PEX5L: variants seen among roughly 807,000 people sequenced by gnomAD.
PEX5L encodes PEX5-related protein.
Under a neutral mutation model 84.0 loss-of-function variants are expected in PEX5L, and 30 were observed. The ratio of observed to expected loss-of-function variants is 0.36; its 90% CI spans 0.27 to 0.48. The LOEUF (loss-of-function observed/expected upper bound fraction) is 0.48. PEX5L is among the 20% of genes least tolerant of loss of function. PEX5L has a pLI of 0.99. For missense variants in PEX5L, 533 were observed against 754.6 expected, an observed-to-expected ratio of 0.71 and a Z score of 3.44; for synonymous variants, 270 against 283.1, an observed-to-expected ratio of 0.95 and a Z score of 0.46.
At chr3:179,997,683 A>G (rs1237291737) in intron 1 of PEX5L, among the ~76,000 whole-genome samples, 1 of 152,226 alleles carries the variant, frequency 6.6e-6, no homozygotes. Flanking sequence ...AGAGAATGAC[A>G]GTGGATTATT....
chr3:179,982,870 A>G (rs1786459406), intron 1 of PEX5L, among the ~76,000 whole-genome samples: 1 of 152,062 alleles, frequency 6.6e-6, no homozygotes, highest in Non-Finnish European at 1.5e-5. Flanking sequence ...GGATGGTACC[A>G]TGTCCTAAAT....
chr3:179,803,223 A>C (rs903924687), intron 14 of PEX5L, among the ~76,000 whole-genome samples: 1 of 152,222 alleles, frequency 6.6e-6, no homozygotes, highest in Non-Finnish European at 1.5e-5. Context: ...AATGTGAAAC[A>C]ATGTCACTTT....
chr3:179,829,943 A>ATTTTTTTTTTT (rs11352022), intron 8 of PEX5L, among the ~76,000 whole-genome samples: 341 of 83,586 alleles, frequency 4.1e-3, no homozygotes, highest in Non-Finnish European at 4.8e-3. Flanking sequence ...GGCCTGGCTA[A>ATTTTTTTTTTT]TTTTTTTTTT....
chr3:179,924,689 C>T (rs1359682560), intron 2 of PEX5L, among the ~76,000 whole-genome samples: 1 of 152,056 alleles, frequency 6.6e-6, no homozygotes. Context: ...CCTGCATTTC[C>T]ATGATCCTAA....
chr3:179,836,523 A>G (rs1734973191), intron 8 of PEX5L, among the ~76,000 whole-genome samples: 2 of 152,158 alleles, frequency 1.3e-5, no homozygotes, highest in South Asian at 4.1e-4. Context: ...AAATCAGGAG[A>G]GAGAGAAGAG....
intron 9 of PEX5L, among the ~76,000 whole-genome samples, chr3:179,817,870 G>A (rs1577227947): frequency 6.6e-6 from 1 of 152,214 alleles, no homozygotes; most frequent in South Asian, 2.1e-4. Flanking sequence ...GGGCTATGGA[G>A]CTCAGGCAGA....
At position 179,840,183 on chromosome 3, in the gene PEX5L, G is replaced by T. The variant is rs61590350; in HGVS notation, c.822+18879C>A. Among the ~76,000 whole-genome samples the T allele has an allele frequency of 4.8e-3, 376 of 78,738 alleles. 7 individuals carry two copies. The highest frequency in any genetic ancestry group is 0.018 in the African/African-American group (347 of 19,238). 51.7% of individuals were successfully genotyped at this position (78,738 alleles called of 152,430 possible). ...TTTTTGTGTGTGTGTGTGTGTGTGT[G>T]TTTTTTTTTTTTTTTTTTTTTTGAG... is the stretch of plus-strand genomic sequence containing the variant. On this transcript the variant is annotated intron_variant, in intron 8 of 14. Coordinates refer to ENST00000467460, the MANE Select transcript of PEX5L (RefSeq NM_016559.3).
intron 1 of PEX5L, among the ~76,000 whole-genome samples, chr3:179,991,671 T>C (rs1217977586): frequency 1.3e-5 from 2 of 152,202 alleles, no homozygotes; most frequent in African/African-American, 4.8e-5. Flanking sequence ...CAGCTATTCA[T>C]TCACATGCGT....
chr3:179,921,494 A>G (rs1397929827), intron 2 of PEX5L: 2 of 152,200 alleles, frequency 1.3e-5, no homozygotes, highest in Non-Finnish European at 2.9e-5. Context: ...ATTTGCTTGG[A>G]GTTCATCTGA....
At chr3:179,829,808 C>T (rs977151241) in intron 8 of PEX5L, among the ~76,000 whole-genome samples, 5 of 138,332 alleles carry the variant, frequency 3.6e-5, no homozygotes, top group African/African-American at 1.4e-4. Context: ...CAGAGTTTTG[C>T]TCTCGTTGCC....
intron 3 of PEX5L, among the ~76,000 whole-genome samples, chr3:179,893,372 CTAA>C (rs1321540684): frequency 6.6e-6 from 1 of 152,104 alleles, no homozygotes; most frequent in Non-Finnish European, 1.5e-5. Context: ...CTATAAGAAA[CTAA>C]TAAGATGAAA....
At chr3:180,004,345 T>C (rs953185024) in intron 1 of PEX5L, among the ~76,000 whole-genome samples, 61 of 152,190 alleles carry the variant, frequency 4.0e-4, no homozygotes, top group African/African-American at 1.4e-3. Context: ...TAGTGAAGAA[T>C]ATTTATTTTA....
chr3:179,816,002 T>G lies in PEX5L; in HGVS notation c.942A>C (p.Gly314=). The change falls in exon 10 of 15, where the codon GGA becomes GGC. Residue 314 remains glycine (G), a splice_region_variant and synonymous_variant. Transcript: ENST00000467460. ...NQVTISASEK[G]YYFHTENPFK... is the part of the protein sequence containing the mutation. ...AGGGGTTTTCAGTGTGAAAGTAATA[T>G]CCCTGCAACACAGAAAAAGGCCAGT... 1 of 1,614,066 alleles carries G rather than the reference T, an allele frequency of 6.2e-7. No individual in the cohort carries two copies. The highest frequency in any genetic ancestry group is 1.1e-5 in the South Asian group (1 of 91,066).
At chr3:179,854,205 C>T (rs1743033137) in intron 8 of PEX5L, among the ~76,000 whole-genome samples, 1 of 151,576 alleles carries the variant, frequency 6.6e-6, no homozygotes, top group African/African-American at 2.4e-5. Context: ...CCATATAAGG[C>T]TTAGCTAGAG....
intron 1 of PEX5L, chr3:179,973,893 C>G: frequency 1.0e-6 from 1 of 985,430 alleles, no homozygotes; most frequent in African/African-American, 1.7e-5. Context: ...AAACAGCACA[C>G]AACAGTACAC....
At chr3:179,861,598 G>T (rs1207986830) in intron 7 of PEX5L, among the ~76,000 whole-genome samples, 2 of 152,322 alleles carry the variant, frequency 1.3e-5, no homozygotes, top group East Asian at 1.9e-4. Context: ...AGGCTCATGG[G>T]CCACCATGAA....
At chr3:179,983,158 T>C (rs1265472133) in intron 1 of PEX5L, among the ~76,000 whole-genome samples, 1 of 152,000 alleles carries the variant, frequency 6.6e-6, no homozygotes, top group African/African-American at 2.4e-5. Context: ...AATATACATA[T>C]TTATATGTAA....
chr3:179,949,995 C>A (rs1214097196), intron 2 of PEX5L, among the ~76,000 whole-genome samples: 1 of 152,192 alleles, frequency 6.6e-6, no homozygotes. Flanking sequence ...GCCTTCTTCC[C>A]CCACCATCAG....
At position 179,865,504 on chromosome 3, in the gene PEX5L, A is replaced by G. The variant is rs1046093595; in HGVS notation, c.727-6347T>C. On this transcript the variant is annotated intron_variant, in intron 7 of 14. Transcript: ENST00000467460. The stretch of plus-strand genomic sequence containing the variant: ...ATGGTAAAGATCAGCCTTCCTTTCA[A>G]TGCAAACTTTTTTTTTTTTTTTCAT... Among the ~76,000 whole-genome samples the G allele has an allele frequency of 2.6e-5, 4 of 151,896 alleles. 1 individual carries two copies. Among genetic ancestry groups the G allele is most frequent in the Admixed American group, 2.6e-4 (4 of 15,230 alleles).
Sources: allele counts gnomAD v4.1 joint callset (sites outside exome capture counted in the v4.1 genomes callset), GRCh38; gene constraint gnomAD v4.1.1; transcripts MANE v1.5; gene names NCBI Gene and HGNC (gene_info 2026-07-23, HGNC 2026-07-21).